Variants in KIAA0586 observed in about 807,000 individuals in gnomAD.
The protein encoded by KIAA0586 is protein TALPID3.
In KIAA0586, 144 loss-of-function variants were observed where a neutral mutation model predicts 169.8. The observed-to-expected ratio is 0.85, with a 90% CI of 0.74 to 0.97. KIAA0586 has a LOEUF of 0.97. Among genes scored for constraint, KIAA0586 ranks in the 50% least tolerant of loss-of-function variants. KIAA0586 has a pLI of 0.00. For synonymous variants in KIAA0586, 625 were observed against 612.4 expected (o/e 1.02, Z -0.30); for missense variants, 1,854 against 1,823.0 (o/e 1.02, Z -0.31).
At chr14:58,478,009 T>TTTTG (rs1374057487) in intron 20 of KIAA0586, among the ~76,000 whole-genome samples, 1 of 152,068 alleles carries the variant, frequency 6.6e-6, no homozygotes, top group African/African-American at 2.4e-5. Context: ...TTGACAAGTT[T>TTTTG]TTTGTTTGTT....
chr14:58,483,762 A>G (rs1170027376), intron 21 of KIAA0586, among the ~76,000 whole-genome samples: 1 of 152,214 alleles, frequency 6.6e-6, no homozygotes, highest in African/African-American at 2.4e-5. Flanking sequence ...TTTACTCTGT[A>G]TTACCAGCTG....
At chr14:58,522,862 A>C (rs544124842) in intron 29 of KIAA0586, among the ~76,000 whole-genome samples, 2 of 152,290 alleles carry the variant, frequency 1.3e-5, no homozygotes, top group African/African-American at 2.4e-5. Flanking sequence ...ATGTATATAC[A>C]TTTCTTACAT....
At chr14:58,455,684 GTGTGTGTGTA>G (rs1423822968) in intron 9 of KIAA0586, among the ~76,000 whole-genome samples, 1 of 152,020 alleles carries the variant, frequency 6.6e-6, no homozygotes, top group Non-Finnish European at 1.5e-5. Context: ...GTGTGTGTGT[GTGTGTGTGTA>G]TGTGTGTGTG....
Position 58,482,723 on chromosome 14 carries a change from T to C in KIAA0586, c.3144+11T>C. 1 of 1,533,446 alleles carries C rather than the reference T, an allele frequency of 6.5e-7. No individual in the cohort carries two copies. Among genetic ancestry groups the C allele is most frequent in the Non-Finnish European group, 8.8e-7 (1 of 1,136,922 alleles). The allele number at this position is 1,533,446 out of a possible 1,614,324, so 95.0% of individuals were successfully genotyped here. On this transcript the variant is annotated intron_variant, in intron 21 of 30. Transcript: ENST00000652326. Reference sequence around the variant, plus strand: ...GAAACATATTTGCCGGTATGGGGAATTTTTGAGACATTTATTGAAGAATAG... The same window carrying C: ...GAAACATATTTGCCGGTATGGGGAACTTTTGAGACATTTATTGAAGAATAG...
At chr14:58,504,715 G>A (rs1713972824) in intron 27 of KIAA0586, among the ~76,000 whole-genome samples, 1 of 152,012 alleles carries the variant, frequency 6.6e-6, no homozygotes, top group Non-Finnish European at 1.5e-5. Context: ...CATTATACAG[G>A]TAAGACACCC....
At chr14:58,477,372 A>C (rs963015658) in intron 20 of KIAA0586, 131 bp downstream of exon 20, 1 of 581,140 alleles carries the variant, frequency 1.7e-6, no homozygotes, top group African/African-American at 1.9e-5. Flanking sequence ...CTTACTTCTT[A>C]GTACTTCTTT....
intron 3 of KIAA0586, among the ~76,000 whole-genome samples, chr14:58,430,986 T>C (rs891163539): frequency 1.3e-5 from 2 of 152,208 alleles, no homozygotes; most frequent in African/African-American, 4.8e-5. Flanking sequence ...TAGAATCATA[T>C]AGTATTTGAC....
At position 58,549,265 on chromosome 14, in the gene KIAA0586, A is replaced by G. The variant is rs1446205039; in HGVS notation, c.*1333A>G. ...GCACATTAGAACCTCTGGGAGCTTT[A>G]AAAAATACTAATGCCTGGGCCTTGT... On this transcript the variant is annotated 3_prime_UTR_variant, in exon 31 of 31. Coordinates refer to ENST00000652326, the MANE Select transcript of KIAA0586 (RefSeq NM_001329943.3). 6.6e-6 allele frequency: 1 copy of G among 152,104 alleles called. No individual in the cohort carries two copies. Among genetic ancestry groups the G allele is most frequent in the Non-Finnish European group, 1.5e-5 (1 of 68,024 alleles). The allele number at this position is 152,104 out of a possible 1,614,324, so 9.4% of individuals were successfully genotyped here. A position where few individuals can be genotyped will look rare whatever the true frequency, so the allele number is the denominator to read the frequency against.
intron 8 of KIAA0586, among the ~76,000 whole-genome samples, chr14:58,451,569 G>T (rs1433239891): frequency 6.6e-6 from 1 of 152,124 alleles, no homozygotes; most frequent in African/African-American, 2.4e-5. Flanking sequence ...TTTGCTGAAG[G>T]TAAGGCTGAT....
At position 58,443,265 on chromosome 14, in the gene KIAA0586, T is replaced by C. The variant is rs182071459; in HGVS notation, c.585+385T>C. On this transcript the variant is annotated intron_variant, in intron 5 of 30. Transcript: ENST00000652326. ...AGAGAAACAGGTCAGAGTAGGCCTA[T>C]GAGTCTAGAACGAGTAAGTGACAGA... Among the ~76,000 whole-genome samples the C allele has an allele frequency of 2.6e-5, 4 of 152,378 alleles. No individual in the cohort carries two copies. The East Asian group carries it at 7.7e-4, about 29-fold the overall frequency.
At chr14:58,528,232 T>G (rs893655468) in intron 29 of KIAA0586, among the ~76,000 whole-genome samples, 1 of 152,164 alleles carries the variant, frequency 6.6e-6, no homozygotes, top group Non-Finnish European at 1.5e-5. Context: ...CAAAGAGACT[T>G]AGACTCCCAC....
At chr14:58,540,186 T>C in intron 30 of KIAA0586, 50 bp downstream of exon 30, 3 of 1,017,680 alleles carry the variant, frequency 2.9e-6, no homozygotes, top group Non-Finnish European at 4.4e-6. Context: ...TTCAGATTTT[T>C]TCATTTCCTG....
intron 7 of KIAA0586, among the ~76,000 whole-genome samples, chr14:58,450,317 T>G (rs2039258370): frequency 1.3e-5 from 2 of 152,220 alleles, no homozygotes; most frequent in African/African-American, 4.8e-5. Context: ...ATGAAAAGTA[T>G]CTGGGCCTGC....
At chr14:58,481,089 G>A (rs2042000398) in intron 20 of KIAA0586, among the ~76,000 whole-genome samples, 1 of 152,204 alleles carries the variant, frequency 6.6e-6, no homozygotes, top group Admixed American at 6.5e-5. Flanking sequence ...ATATGAATTT[G>A]GGATTGGGAT....
chr14:58,434,528 C>G (rs1394893322), intron 4 of KIAA0586, among the ~76,000 whole-genome samples: 1 of 152,152 alleles, frequency 6.6e-6, no homozygotes, highest in South Asian at 2.1e-4. Flanking sequence ...ATGATGCTAA[C>G]CTAGCCCAAG....
rs531066944 is a variant in KIAA0586, at chr14:58,470,230, A to C, written c.2443-383A>C. ...TTGTTGAAATGTTATATAGTCATTT[A>C]AAAATATAATTATGAAGTCTATACA... is the stretch of plus-strand genomic sequence containing the variant. On this transcript the variant is annotated intron_variant, in intron 16 of 30. Transcript: ENST00000652326. Among the ~76,000 whole-genome samples the C allele has an allele frequency of 2.1e-4, 32 of 152,262 alleles. 1 individual carries two copies. In the East Asian group the frequency reaches 6.0e-3, roughly 28 times the overall value.
chr14:58,446,912 C>G (rs2038948660), intron 6 of KIAA0586, among the ~76,000 whole-genome samples: 1 of 152,020 alleles, frequency 6.6e-6, no homozygotes, highest in Non-Finnish European at 1.5e-5. Flanking sequence ...AAAATATTTT[C>G]TGTTGTTCAG....
chr14:58,432,567 A>G (rs1274220725), intron 4 of KIAA0586, 110 bp downstream of exon 4: 3 of 610,032 alleles, frequency 4.9e-6, no homozygotes, highest in African/African-American at 3.8e-5. Context: ...ATATTGTGTG[A>G]TATGTATAAA....
At chr14:58,524,909 G>C (rs1193257548) in intron 29 of KIAA0586, among the ~76,000 whole-genome samples, 1 of 152,158 alleles carries the variant, frequency 6.6e-6, no homozygotes, top group Admixed American at 6.5e-5. Context: ...GTTTCACCAT[G>C]TTGGCCAGGA....
Sources: gnomAD v4.1 joint callset for allele counts (sites outside exome capture counted in the v4.1 genomes callset) on GRCh38, gnomAD v4.1.1 for gene constraint, MANE v1.5 for transcripts, NCBI Gene and HGNC (gene_info 2026-07-23, HGNC 2026-07-21) for gene names.